The following ZNF445 variants were observed in gnomAD, a reference collection of about 807,000 sequenced individuals.
ZNF445 encodes zinc finger protein 445, also known as zinc finger protein 168.
A neutral mutation model predicts 93.9 loss-of-function variants in ZNF445; 19 were observed. That is an observed-to-expected ratio of 0.20 (90% CI 0.14 to 0.30). The LOEUF (loss-of-function observed/expected upper bound fraction) is 0.30, where lower values mean the gene tolerates loss of function less well. Ranked by LOEUF, ZNF445 falls within the 10% of genes least tolerant of loss-of-function variation. ZNF445 has a pLI of 1.00. For synonymous variants in ZNF445, 449 were observed against 446.3 expected, an observed-to-expected ratio of 1.01 and a Z score of -0.08; for missense variants, 1,058 against 1,259.4, an observed-to-expected ratio of 0.84 and a Z score of 2.42.
At position 44,439,040 on chromosome 3, in the gene ZNF445, GT is replaced by G. The variant is rs1697755272; in HGVS notation, c.*7534del. 1 of 151,684 alleles carries G rather than the reference GT, an allele frequency of 6.6e-6. No homozygotes were observed. The highest frequency in any genetic ancestry group is 2.1e-4 in the South Asian group (1 of 4,808). The allele number at this position is 151,684 out of a possible 1,614,324, so 9.4% of individuals were successfully genotyped here. ...AAAAAAAACAAGGACTCCAGGCATG[GT>G]GGCTCACACCTGTAATCCCAGCACT... On this transcript the variant is annotated 3_prime_UTR_variant, in exon 8 of 8. Coordinates refer to ENST00000396077, the MANE Select transcript of ZNF445 (RefSeq NM_181489.6).
At position 44,468,164 on chromosome 3, in the gene ZNF445, CCT is replaced by C. The variant is rs546586982; in HGVS notation, c.-269+9425_-269+9426del. Among the ~76,000 whole-genome samples, 1,023 of 152,306 alleles carry C rather than the reference CCT, an allele frequency of 6.7e-3. 6 individuals carry two copies. Among genetic ancestry groups the C allele is most frequent in the Non-Finnish European group, 0.012 (784 of 68,022 alleles). ...GTTCACTCCCATTCCCACTATGTCC[CCT>C]GTCAGGAGGAAGAAGCCAGAGCAAT... On this transcript the variant is annotated intron_variant, in intron 1 of 7. Coordinates refer to ENST00000396077, the MANE Select transcript of ZNF445 (RefSeq NM_181489.6).
intron 2 of ZNF445, among the ~76,000 whole-genome samples, chr3:44,457,323 G>C (rs935282428): frequency 2.0e-5 from 3 of 151,918 alleles, no homozygotes; most frequent in Non-Finnish European, 4.4e-5. Context: ...CCAGGCTGGA[G>C]TGCAGTGGTG....
chr3:44,455,513 G>C lies in ZNF445; in HGVS notation c.37C>G (p.Gln13Glu). ...CCTCGCTCCCTCGAAGACTGGGCCT[G>C]AGCTGGATAGGCAGCATGCCACCTG... ...PGRWHAAYPA[Q>E]AQSSRERGRL... is the part of the protein sequence containing the mutation. The change falls in exon 3 of 8, where the codon CAG (glutamine) becomes GAG (glutamate). Residue 13 changes from glutamine to glutamate, a missense_variant. Coordinates refer to ENST00000396077, the MANE Select transcript of ZNF445 (RefSeq NM_181489.6). 6.2e-7 allele frequency: 1 copy of C among 1,609,248 alleles called. No individual in the cohort carries two copies. Among genetic ancestry groups the C allele is most frequent in the Non-Finnish European group, 8.5e-7 (1 of 1,177,528 alleles).
intron 1 of ZNF445, among the ~76,000 whole-genome samples, chr3:44,466,819 T>C (rs979308456): frequency 6.6e-6 from 1 of 152,254 alleles, no homozygotes; most frequent in Non-Finnish European, 1.5e-5. Context: ...TTAAATATGT[T>C]ATCAGTATGT....
intron 3 of ZNF445, among the ~76,000 whole-genome samples, chr3:44,453,691 C>G (rs1429347133): frequency 6.6e-6 from 1 of 152,160 alleles, no homozygotes; most frequent in Admixed American, 6.6e-5. Context: ...CCCCTGTGTG[C>G]AGGAGAAGGG....
intron 3 of ZNF445, among the ~76,000 whole-genome samples, chr3:44,453,700 G>A (rs1056398604): frequency 1.3e-5 from 2 of 152,146 alleles, no homozygotes; most frequent in African/African-American, 4.8e-5. Context: ...GCAGGAGAAG[G>A]GCAGGAAGAA....
intron 3 of ZNF445, among the ~76,000 whole-genome samples, chr3:44,454,634 C>T (rs1698002013): frequency 6.6e-6 from 1 of 152,228 alleles, no homozygotes; most frequent in Admixed American, 6.5e-5. Context: ...GCCATGTTGC[C>T]CAGGCTGGTC....
At position 44,453,134 on chromosome 3, in the gene ZNF445, G is replaced by A. The variant is rs181639746; in HGVS notation, c.430-1652C>T. ...TCATCATGTTGGCCTGGATGGTCTCGATCTCTTGACCTTGTGATCTGCCAC... is the reference window on the plus strand; with the variant it reads ...TCATCATGTTGGCCTGGATGGTCTCAATCTCTTGACCTTGTGATCTGCCAC... On this transcript the variant is annotated intron_variant, in intron 3 of 7. Transcript: ENST00000396077. Among the ~76,000 whole-genome samples the A allele has an allele frequency of 1.5e-3, 232 of 151,874 alleles. 1 individual carries two copies. The highest frequency in any genetic ancestry group is 4.8e-3 in the African/African-American group (199 of 41,408).
chr3:44,455,581 C>T lies in ZNF445; in HGVS notation c.-32G>A, dbSNP rs764032500. On this transcript the variant is annotated 5_prime_UTR_variant, in exon 3 of 8. Coordinates refer to ENST00000396077, the MANE Select transcript of ZNF445 (RefSeq NM_181489.6). ...TGTTCAGGGACTAACCAGAAGAGTG[C>T]GAACCAAGTCCACCTTAGACGTGGG... The T allele has an allele frequency of 1.3e-6, 2 of 1,528,872 alleles. No homozygotes were observed. The highest frequency in any genetic ancestry group is 1.8e-6 in the Non-Finnish European group (2 of 1,139,138). The allele number at this position is 1,528,872 out of a possible 1,614,324, so 94.7% of individuals were successfully genotyped here.
rs761520957 is a variant in ZNF445 at position 44,448,114 on chromosome 3, C to A, written c.1557G>T (p.Gly519=). 1.2e-6 allele frequency: 2 copies of A among 1,613,834 alleles called. No individual in the cohort carries two copies. The highest frequency in any genetic ancestry group is 1.7e-5 in the Admixed American group (1 of 60,006). The change falls in exon 8 of 8, where the codon GGG becomes GGT. Residue 519 remains glycine, a synonymous_variant. Coordinates refer to ENST00000396077, the MANE Select transcript of ZNF445 (RefSeq NM_181489.6). ...QEKAFKCRVC[G]KAFRWSSNCA... ...AGTTGGAACTCCACCGGAAGGCTTT[C>A]CCACACACCCTACATTTAAATGCTT...
At chr3:44,449,804 A>G (rs1051941835) in intron 6 of ZNF445, among the ~76,000 whole-genome samples, 181 bp from the exon 7 acceptor site, 17 of 152,258 alleles carry the variant, frequency 1.1e-4, no homozygotes, top group Admixed American at 7.2e-4. Flanking sequence ...AGAGACTGAT[A>G]GAAGTTGCCC....
At chr3:44,477,294 G>C (rs1367731115) in intron 1 of ZNF445, among the ~76,000 whole-genome samples, 1 of 152,182 alleles carries the variant, frequency 6.6e-6, no homozygotes, top group Admixed American at 6.5e-5. Context: ...CTACTTTCCC[G>C]TGTTATCTAA....
chr3:44,446,757 T>C lies in ZNF445; in HGVS notation c.2914A>G (p.Ser972Gly). The part of the protein sequence containing the change: ...SSRLTGLQDI[S>G]IGKKCHKCSI... ...CATTTGTGGCACTTTTTCCCAATGC[T>C]TATGTCCTGGAGTCCAGTGAGCCTG... Residue 972 changes from serine to glycine, a missense_variant, in exon 8 of 8, where the codon AGC (serine) becomes GGC (glycine). Transcript: ENST00000396077. This position sits in a 1 kb window ranked among gnomAD's most constrained non-coding sequence, Gnocchi z 4.2. The C allele has an allele frequency of 6.2e-7, 1 of 1,614,216 alleles. No homozygotes were observed. The highest frequency in any genetic ancestry group is 1.1e-5 in the South Asian group (1 of 91,074).
rs573157638 is a variant in ZNF445 at position 44,431,705 on chromosome 3, T to C, written c.*14870A>G. ...ACATACATAAAACTGACAAACGTAA[T>C]TTTGAGCAAAAAATGCAAGACAGAC... On this transcript the variant is annotated 3_prime_UTR_variant, in exon 8 of 8. Transcript: ENST00000396077. 4.0e-5 allele frequency: 6 copies of C among 151,834 alleles called. No homozygotes were observed. The highest frequency in any genetic ancestry group is 1.3e-4 in the Admixed American group (2 of 15,250). The allele number at this position is 151,834 out of a possible 1,614,324, so 9.4% of individuals were successfully genotyped here. A position where few individuals can be genotyped will look rare whatever the true frequency, so the allele number is the denominator to read the frequency against.
chr3:44,447,583 G>C lies in ZNF445; in HGVS notation c.2088C>G (p.Leu696=), dbSNP rs772263680. The change falls in exon 8 of 8, where the codon CTC becomes CTG. Residue 696 remains leucine (L), a synonymous_variant. Transcript: ENST00000396077. The surrounding 1 kb of genome is among the most constrained non-coding windows in gnomAD (Gnocchi z 4.7). ...CGKTFTRKKT[L]VDHQRIHTGE... is the part of the protein sequence containing the mutation. Reference sequence around the variant, plus strand: ...CTGTGTGAATTCTCTGGTGGTCAACGAGAGTTTTCTTTCTAGTAAAAGTTT... The same window carrying C: ...CTGTGTGAATTCTCTGGTGGTCAACCAGAGTTTTCTTTCTAGTAAAAGTTT... The C allele has an allele frequency of 1.2e-6, 2 of 1,614,148 alleles. No individual in the cohort carries two copies. Among genetic ancestry groups the C allele is most frequent in the South Asian group, 1.1e-5 (1 of 91,080 alleles).
intron 6 of ZNF445, chr3:44,450,132 T>C: frequency 2.8e-6 from 1 of 355,674 alleles, no homozygotes; most frequent in Non-Finnish European, 5.3e-6. Context: ...AGAGATGGGG[T>C]TTCACTATGT....
intron 1 of ZNF445, among the ~76,000 whole-genome samples, chr3:44,475,761 G>A (rs529105471): frequency 1.3e-5 from 2 of 152,280 alleles, no homozygotes; most frequent in South Asian, 4.1e-4. Flanking sequence ...CATTTTGGGA[G>A]GCTGAGGCAG....
In ZNF445 at chr3:44,435,368, A is replaced by T. The variant is rs1697656339; in HGVS notation, c.*11207T>A. 1 of 152,230 alleles carries T rather than the reference A, an allele frequency of 6.6e-6. No homozygotes were observed. Among genetic ancestry groups the T allele is most frequent in the Non-Finnish European group, 1.5e-5 (1 of 68,032 alleles). 9.4% of individuals were successfully genotyped at this position (152,230 alleles called of 1,614,324 possible). A position where few individuals can be genotyped will look rare whatever the true frequency, so the allele number is the denominator to read the frequency against. ...AGAACAAACCTGGGCCTGGCTCAGT[A>T]ACAACTGCAAACCAGTTGTCAGACG... On this transcript the variant is annotated 3_prime_UTR_variant, in exon 8 of 8. Transcript: ENST00000396077.
At position 44,471,654 on chromosome 3, in the gene ZNF445, A is replaced by C. The variant is rs1355537615; in HGVS notation, c.-269+5937T>G. ...ATACTGTCAAAAGAAATGACAGTAA[A>C]CTAAGATGTAAAGAAGACTCACACT... On this transcript the variant is annotated intron_variant, in intron 1 of 7. Transcript: ENST00000396077. 3.3e-5 allele frequency among the ~76,000 whole-genome samples: 5 copies of C among 152,238 alleles called. No individual in the cohort carries two copies. The East Asian group carries it at 9.6e-4, about 29-fold the overall frequency.
Sources: allele counts gnomAD v4.1 joint callset (sites outside exome capture counted in the v4.1 genomes callset), GRCh38; gene constraint gnomAD v4.1.1; non-coding constraint Gnocchi (gnomAD v3.1); transcripts MANE v1.5; gene names NCBI Gene and HGNC (gene_info 2026-07-23, HGNC 2026-07-21).